ESR1: variants seen among roughly 807,000 people sequenced by gnomAD.
ESR1 encodes the protein estrogen receptor.
Under a neutral mutation model 52.7 loss-of-function variants are expected in ESR1, and 12 were observed. The ratio of observed to expected loss-of-function variants is 0.23; its 90% CI spans 0.15 to 0.37. The LOEUF (loss-of-function observed/expected upper bound fraction) is 0.37, where lower values mean the gene tolerates loss of function less well. Among genes scored for constraint, ESR1 ranks in the 10% least tolerant of loss-of-function variants. The pLI is 1.00. For missense variants in ESR1, 584 were observed against 779.7 expected (o/e 0.75, Z 2.99); for synonymous variants, 305 against 316.8 (o/e 0.96, Z 0.39).
At chr6:151,831,892 C>T (rs531646790) in intron 1 of ESR1, among the ~76,000 whole-genome samples, 4 of 152,238 alleles carry the variant, frequency 2.6e-5, no homozygotes, top group African/African-American at 9.6e-5. Context: ...GTCTAAGTTG[C>T]GGTCTAATCT....
intron 2 of ESR1, among the ~76,000 whole-genome samples, chr6:151,847,314 G>T (rs868690609): frequency 6.6e-6 from 1 of 152,178 alleles, no homozygotes. Context: ...ATTTGCTAAA[G>T]AACTCAAGCC....
At chr6:151,746,275 G>A (rs1320929443) in intron 2 of ESR1, among the ~76,000 whole-genome samples, 1 of 152,114 alleles carries the variant, frequency 6.6e-6, no homozygotes, top group Non-Finnish European at 1.5e-5. Flanking sequence ...GATAATTATT[G>A]TTTTAATTTT....
chr6:151,850,063 T>G (rs1383351534), intron 2 of ESR1, among the ~76,000 whole-genome samples: 1 of 117,104 alleles, frequency 8.5e-6, no homozygotes, highest in Non-Finnish European at 1.7e-5. Flanking sequence ...TATATAATTT[T>G]ATATATATAT....
chr6:151,786,932 C>T (rs947476822), intron 2 of ESR1, among the ~76,000 whole-genome samples: 6 of 152,176 alleles, frequency 3.9e-5, no homozygotes, highest in African/African-American at 1.4e-4. Context: ...GCCTCAGTCT[C>T]CCAAGTAGTT....
At chr6:151,771,291 G>A (rs943740890) in intron 2 of ESR1, among the ~76,000 whole-genome samples, 1 of 152,180 alleles carries the variant, frequency 6.6e-6, no homozygotes, top group South Asian at 2.1e-4. Flanking sequence ...GTAATTGAAA[G>A]CGTTTATCCT....
intron 2 of ESR1, among the ~76,000 whole-genome samples, chr6:151,877,571 C>T (rs1010919540): frequency 2.6e-5 from 4 of 152,062 alleles, no homozygotes; most frequent in Non-Finnish European, 5.9e-5. Context: ...ACCTTTTATT[C>T]ATTAAACATG....
chr6:151,916,240 T>A (rs2030135664), intron 3 of ESR1, among the ~76,000 whole-genome samples: 1 of 152,176 alleles, frequency 6.6e-6, no homozygotes, highest in African/African-American at 2.4e-5. Flanking sequence ...TGAAATATAG[T>A]CAGAGAAAAG....
chr6:152,122,494 T>C (rs2051632431), intron 6 of ESR1: 5 of 1,614,124 alleles, frequency 3.1e-6, no homozygotes, highest in Non-Finnish European at 4.2e-6. Context: ...CCGGGCAAAG[T>C]TGTTGGAGAG....
intron 2 of ESR1, among the ~76,000 whole-genome samples, chr6:151,859,191 T>C (rs922936019): frequency 2.0e-5 from 3 of 152,194 alleles, no homozygotes; most frequent in African/African-American, 7.2e-5. Flanking sequence ...CTTCAATGTA[T>C]TTTTGAATTT....
intron 1 of ESR1, among the ~76,000 whole-genome samples, chr6:151,676,997 A>G (rs1189520548): frequency 1.3e-5 from 2 of 152,192 alleles, no homozygotes; most frequent in Non-Finnish European, 2.9e-5. Flanking sequence ...GTTTTGGAAA[A>G]GAAGAAAAAT....
chr6:152,049,780 C>T (rs767804649), intron 5 of ESR1, among the ~76,000 whole-genome samples: 7 of 152,110 alleles, frequency 4.6e-5, no homozygotes, highest in South Asian at 2.1e-4. Context: ...CTTCATCCTA[C>T]GAGGGGTTGG....
chr6:152,080,836 G>A (rs187966538), intron 6 of ESR1, among the ~76,000 whole-genome samples: 1 of 152,056 alleles, frequency 6.6e-6, no homozygotes, highest in African/African-American at 2.4e-5. Flanking sequence ...AAAAAAAGCA[G>A]GGGTTGCAAT....
chr6:151,672,839 T>C (rs1441409630), intron 1 of ESR1, among the ~76,000 whole-genome samples: 1 of 150,610 alleles, frequency 6.6e-6, no homozygotes, highest in Non-Finnish European at 1.5e-5. Flanking sequence ...TTTTTTTTTT[T>C]TTTTTTTGAG....
chr6:152,111,426 C>T (rs561573019), intron 6 of ESR1, among the ~76,000 whole-genome samples: 8 of 152,300 alleles, frequency 5.3e-5, no homozygotes, highest in African/African-American at 1.9e-4. Flanking sequence ...GACAGCCCTC[C>T]GAGCGACTTC....
intron 5 of ESR1, among the ~76,000 whole-genome samples, chr6:152,026,770 T>G (rs564488724): frequency 4.3e-4 from 66 of 152,256 alleles, no homozygotes; most frequent in Middle Eastern, 3.4e-3. Context: ...TGAGCAGTAG[T>G]AAAATTAGCT....
At chr6:151,872,835 C>T (rs2128313460) in intron 2 of ESR1, among the ~76,000 whole-genome samples, 1 of 152,286 alleles carries the variant, frequency 6.6e-6, no homozygotes, top group Admixed American at 6.5e-5. Context: ...GAGTGTAAGG[C>T]AGGACAAGAC....
chr6:151,682,852 G>A (rs945154560), intron 1 of ESR1, among the ~76,000 whole-genome samples: 7 of 152,220 alleles, frequency 4.6e-5, no homozygotes, highest in Admixed American at 4.6e-4. Flanking sequence ...GGATGTTTGT[G>A]ATGCAGAATG....
chr6:151,922,143 C>T (rs763695649), intron 3 of ESR1, among the ~76,000 whole-genome samples: 9 of 152,084 alleles, frequency 5.9e-5, no homozygotes, highest in Non-Finnish European at 1.0e-4. Flanking sequence ...GAATAGAGAA[C>T]TCAGAAATAA....
intron 5 of ESR1, among the ~76,000 whole-genome samples, chr6:152,017,643 C>T (rs1269626926): frequency 2.0e-5 from 3 of 151,970 alleles, no homozygotes; most frequent in African/African-American, 7.3e-5. Context: ...CTAGGAATGC[C>T]TCTCTTCATT....
Sources: gnomAD v4.1 joint callset for allele counts (sites outside exome capture counted in the v4.1 genomes callset) on GRCh38, gnomAD v4.1.1 for gene constraint, MANE v1.5 for transcripts, NCBI Gene and HGNC (gene_info 2026-07-23, HGNC 2026-07-21) for gene names.